LNX1: variants seen among roughly 807,000 people sequenced by gnomAD.
LNX1 encodes the protein ligand of numb-protein X 1, also known as E3 ubiquitin-protein ligase LNX.
LNX1 carries 54 observed loss-of-function variants against 68.4 expected under a neutral mutation model. That is an observed-to-expected ratio of 0.79 (90% CI 0.63 to 0.99). LNX1 has a LOEUF of 0.99. Ranked by LOEUF, LNX1 falls within the 50% of genes least tolerant of loss-of-function variation. The pLI is 0.00. For missense variants in LNX1, 906 were observed against 926.4 expected (o/e 0.98, Z 0.29); for synonymous variants, 336 against 350.0 (o/e 0.96, Z 0.45).
intron 2 of LNX1, among the ~76,000 whole-genome samples, chr4:53,549,139 C>A (rs1409212586): frequency 6.6e-6 from 1 of 152,068 alleles, no homozygotes; most frequent in African/African-American, 2.4e-5. Flanking sequence ...ATGTAACAAA[C>A]CTTGACATGT....
chr4:53,649,896 C>T (rs753714717), intron 1 of LNX1, among the ~76,000 whole-genome samples: 2 of 152,186 alleles, frequency 1.3e-5, no homozygotes, highest in African/African-American at 2.4e-5. Flanking sequence ...TAGCCAAGCA[C>T]CTGGAACCTC....
At chr4:53,584,740 A>G (rs1162368243) in intron 1 of LNX1, among the ~76,000 whole-genome samples, 3 of 152,324 alleles carry the variant, frequency 2.0e-5, no homozygotes, top group Middle Eastern at 3.4e-3. Flanking sequence ...TTAGATTTTC[A>G]CCAAGTAGAA....
Position 53,540,339 on chromosome 4 carries a change from C to T in LNX1, c.381-32112G>A, listed in dbSNP as rs139558462. The stretch of plus-strand genomic sequence containing the variant: ...TTGAGGCTGCAGTAAGTCATGACTC[C>T]GCCACTGCACTCCAGCCTGAGTGAG... On this transcript the variant is annotated intron_variant, in intron 2 of 10. Transcript: ENST00000263925. 5.1e-4 allele frequency among the ~76,000 whole-genome samples: 77 copies of T among 152,214 alleles called. No individual in the cohort carries two copies. In the East Asian group the frequency reaches 0.012, roughly 23 times the overall value.
intron 1 of LNX1, among the ~76,000 whole-genome samples, chr4:53,577,681 C>T (rs886895526): frequency 1.3e-5 from 2 of 152,042 alleles, no homozygotes; most frequent in African/African-American, 4.8e-5. Flanking sequence ...TCCCAAAGTT[C>T]TAGGGTTACA....
chr4:53,587,113 C>T (rs543497533), intron 1 of LNX1, among the ~76,000 whole-genome samples: 178 of 152,292 alleles, frequency 1.2e-3, no homozygotes, highest in African/African-American at 3.0e-3. Flanking sequence ...ACTACATTTT[C>T]GGACAACTCT....
chr4:53,542,901 G>A (rs1344364706), intron 2 of LNX1, among the ~76,000 whole-genome samples: 3 of 152,194 alleles, frequency 2.0e-5, no homozygotes, highest in Admixed American at 1.3e-4. Flanking sequence ...GGGAACTGAT[G>A]GTCATGAGCC....
intron 2 of LNX1, among the ~76,000 whole-genome samples, chr4:53,557,262 C>G (rs1419169768): frequency 6.6e-6 from 1 of 152,120 alleles, no homozygotes; most frequent in East Asian, 1.9e-4. Context: ...TTGCTCCAGA[C>G]CATTGCAGCA....
Position 53,469,089 on chromosome 4 carries a change from A to G in LNX1, c.1893-7496T>C, listed in dbSNP as rs369000832. Among the ~76,000 whole-genome samples the G allele has an allele frequency of 9.8e-5, 15 of 152,348 alleles. No homozygotes were observed. The East Asian group carries it at 2.1e-3, about 22-fold the overall frequency. ...TTCCATAACTGACCACATAGTTGGA[A>G]GTAAAGCACTCCTCAGCAAATGTAA... On this transcript the variant is annotated intron_variant, in intron 9 of 10. Coordinates refer to ENST00000263925, the MANE Select transcript of LNX1 (RefSeq NM_001126328.3).
intron 2 of LNX1, among the ~76,000 whole-genome samples, chr4:53,540,433 C>T (rs1728671922): frequency 4.6e-5 from 7 of 151,774 alleles, no homozygotes; most frequent in Admixed American, 4.6e-4. Flanking sequence ...CCAACTCAAC[C>T]TCAAGGTGCC....
At chr4:53,509,238 G>A (rs554638972) in intron 2 of LNX1, among the ~76,000 whole-genome samples, 96 of 152,290 alleles carry the variant, frequency 6.3e-4, no homozygotes, top group African/African-American at 2.2e-3. Flanking sequence ...CATATCACGA[G>A]CCCCTTTAGG....
At chr4:53,647,999 T>A (rs1395303036) in intron 1 of LNX1, among the ~76,000 whole-genome samples, 1 of 152,282 alleles carries the variant, frequency 6.6e-6, no homozygotes, top group Non-Finnish European at 1.5e-5. Flanking sequence ...CATTTTGTTA[T>A]CCATTCACTG....
intron 2 of LNX1, among the ~76,000 whole-genome samples, chr4:53,609,258 CT>C (rs1237588195): frequency 2.1e-5 from 3 of 146,084 alleles, no homozygotes; most frequent in East Asian, 2.0e-4. Context: ...ACATGTACCC[CT>C]GAACCTAAAC....
rs1275259547 is a variant in LNX1 at position 53,558,187 on chromosome 4, G to A, written c.380+15436C>T. 43 of 1,336,206 alleles carry A rather than the reference G, an allele frequency of 3.2e-5. No individual in the cohort carries two copies. In the East Asian group the frequency reaches 1.3e-3, roughly 40 times the overall value. The allele number at this position is 1,336,206 out of a possible 1,614,324, so 82.8% of individuals were successfully genotyped here. A position where few individuals can be genotyped will look rare whatever the true frequency, so the allele number is the denominator to read the frequency against. ...ATGAGAGGATGTAGGAACGCAAGGA[G>A]CCACCACGGTTGGCGAGAGAGCTTA... On this transcript the variant is annotated intron_variant, in intron 2 of 10. Coordinates refer to ENST00000263925, the MANE Select transcript of LNX1 (RefSeq NM_001126328.3).
chr4:53,522,121 G>A (rs1389907470), intron 2 of LNX1, among the ~76,000 whole-genome samples: 1 of 152,026 alleles, frequency 6.6e-6, no homozygotes, highest in Admixed American at 6.6e-5. Context: ...TTTGGCAGAC[G>A]AGGCTTCTTG....
intron 2 of LNX1, among the ~76,000 whole-genome samples, chr4:53,562,944 C>G (rs952052168): frequency 2.0e-5 from 3 of 152,148 alleles, no homozygotes; most frequent in African/African-American, 7.2e-5. Flanking sequence ...GGCACAATGG[C>G]TCAAGCCCGT....
At chr4:53,531,250 C>T (rs1275644766) in intron 2 of LNX1, among the ~76,000 whole-genome samples, 1 of 152,202 alleles carries the variant, frequency 6.6e-6, no homozygotes, top group Non-Finnish European at 1.5e-5. Flanking sequence ...GGAAAGAACA[C>T]TTTATGGTCA....
chr4:53,559,876 G>A (rs1339645602), intron 2 of LNX1, among the ~76,000 whole-genome samples: 1 of 151,884 alleles, frequency 6.6e-6, no homozygotes, highest in African/African-American at 2.4e-5. Flanking sequence ...TGCCCAGGCT[G>A]GTCTTGAACT....
upstream of LNX1, among the ~76,000 whole-genome samples, chr4:53,595,478 G>C (rs1039123153): frequency 2.6e-5 from 4 of 152,198 alleles, no homozygotes; most frequent in Non-Finnish European, 5.9e-5. Context: ...GCATGACAAT[G>C]GTTTTCAGCA....
At chr4:53,524,607 G>A (rs551898224) in intron 2 of LNX1, among the ~76,000 whole-genome samples, 13 of 152,220 alleles carry the variant, frequency 8.5e-5, no homozygotes, top group Non-Finnish European at 1.8e-4. Context: ...AATGCTTTAA[G>A]CCTACGCTCT....
Sources: allele counts gnomAD v4.1 joint callset (sites outside exome capture counted in the v4.1 genomes callset), GRCh38; gene constraint gnomAD v4.1.1; transcripts MANE v1.5; gene names NCBI Gene and HGNC (gene_info 2026-07-23, HGNC 2026-07-21).